The following EBF3 variants were observed in gnomAD, a reference collection of about 807,000 sequenced individuals.
The protein encoded by EBF3 is EBF transcription factor 3.
A neutral mutation model predicts 77.1 loss-of-function variants in EBF3; 18 were observed. The observed-to-expected ratio is 0.23, with a 90% confidence interval of 0.16 to 0.35. EBF3 has a LOEUF of 0.35. Among genes scored for constraint, EBF3 ranks in the 10% least tolerant of loss-of-function variants. The probability of loss-of-function intolerance (pLI) is 1.00; values close to 1 mark genes in which losing one functional copy is unlikely to be tolerated. For synonymous variants in EBF3, 350 were observed against 343.5 expected, an observed-to-expected ratio of 1.02 and a Z score of -0.21; for missense variants, 558 against 860.0, an observed-to-expected ratio of 0.65 and a Z score of 4.39.
chr10:129,956,693 C>T (rs1859062268), intron 6 of EBF3, among the ~76,000 whole-genome samples: 1 of 152,172 alleles, frequency 6.6e-6, no homozygotes, highest in Admixed American at 6.5e-5. Flanking sequence ...AACATGTAAC[C>T]AGCATGTGTA....
chr10:129,859,317 G>A (rs1851460433), intron 10 of EBF3, among the ~76,000 whole-genome samples: 1 of 152,160 alleles, frequency 6.6e-6, no homozygotes, highest in South Asian at 2.1e-4. Flanking sequence ...CGCCTCCCGG[G>A]TTCAAGAGAT....
At chr10:129,939,413 CACATTA>C (rs1857575451) in intron 6 of EBF3, among the ~76,000 whole-genome samples, 1 of 152,250 alleles carries the variant, frequency 6.6e-6, no homozygotes, top group East Asian at 1.9e-4. Context: ...AACCAACAAT[CACATTA>C]AAAGTTCCCA....
chr10:129,842,106 G>T lies in EBF3; in HGVS notation c.1372+10C>A. On this transcript the variant is annotated intron_variant, in intron 13 of 16. Transcript: ENST00000440978. The surrounding 1 kb of genome is among the most constrained non-coding windows in gnomAD (Gnocchi z 4.4). ...TTCAGGGCAGGGGTCCTCCCAGCAT[G>T]CTGGCATACCTTGGTCGTTGGCTTG... is the stretch of plus-strand genomic sequence containing the variant. 6.2e-7 allele frequency: 1 copy of T among 1,614,204 alleles called. No individual in the cohort carries two copies. The highest frequency in any genetic ancestry group is 2.2e-5 in the East Asian group (1 of 44,870).
intron 10 of EBF3, among the ~76,000 whole-genome samples, chr10:129,850,897 G>A (rs1273257318): frequency 3.3e-5 from 5 of 152,282 alleles, no homozygotes; most frequent in Admixed American, 2.0e-4. Flanking sequence ...CAAGTTCCCC[G>A]ACGGGAGGAG....
chr10:129,855,025 C>T (rs537146487), intron 10 of EBF3, among the ~76,000 whole-genome samples: 1 of 152,312 alleles, frequency 6.6e-6, no homozygotes, highest in South Asian at 2.1e-4. Flanking sequence ...CGCTCCCGTC[C>T]GTGGAGCTCC....
At position 129,935,317 on chromosome 10, in the gene EBF3, C is replaced by T. The variant is rs1044299387; in HGVS notation, c.554+21941G>A. Among the ~76,000 whole-genome samples, 2 of 152,128 alleles carry T rather than the reference C, an allele frequency of 1.3e-5. No individual in the cohort carries two copies. Among genetic ancestry groups the T allele is most frequent in the African/African-American group, 2.4e-5 (1 of 41,430 alleles). On this transcript the variant is annotated intron_variant, in intron 6 of 16. Coordinates refer to ENST00000440978, the MANE Select transcript of EBF3 (RefSeq NM_001375380.1). This position sits in a 1 kb window ranked among gnomAD's most constrained non-coding sequence, Gnocchi z 4.2. ...AGGCTTGGATCTGCCCAGTGACTGG[C>T]GGCCTGGGACCAGGGTGGCCCTGCC...
chr10:129,862,987 C>T (rs946738267), intron 10 of EBF3, among the ~76,000 whole-genome samples: 1 of 152,180 alleles, frequency 6.6e-6, no homozygotes, highest in Non-Finnish European at 1.5e-5. Context: ...AATATTAAAA[C>T]AAGCATTGCA....
Position 129,957,245 on chromosome 10 carries a change from A to G in EBF3, c.554+13T>C. The G allele has an allele frequency of 6.3e-7, 1 of 1,588,676 alleles. No homozygotes were observed. The highest frequency in any genetic ancestry group is 8.6e-7 in the Non-Finnish European group (1 of 1,168,402). ...TGCGGTTTTGTTTTGAAAAATAAAG[A>G]AGTCATCCTTACCTGTCAATGATTA... On this transcript the variant is annotated intron_variant, in intron 6 of 16. Transcript: ENST00000440978.
chr10:129,951,646 TC>T (rs1461666297), intron 6 of EBF3, among the ~76,000 whole-genome samples: 6 of 152,250 alleles, frequency 3.9e-5, no homozygotes, highest in Admixed American at 3.9e-4. Flanking sequence ...CTCGCAGGCC[TC>T]CTAGGCCTAG....
At chr10:129,957,581 C>T (rs761391263) in intron 5 of EBF3, among the ~76,000 whole-genome samples, 59 of 152,088 alleles carry the variant, frequency 3.9e-4, no homozygotes, top group Admixed American at 3.3e-4. Context: ...GATTGTGATG[C>T]TAAAATATGG....
intron 6 of EBF3, among the ~76,000 whole-genome samples, chr10:129,888,289 G>C (rs1327348740): frequency 6.6e-6 from 1 of 152,220 alleles, no homozygotes; most frequent in East Asian, 1.9e-4. Flanking sequence ...GGTGGCTTTT[G>C]CGTCCTTAGA....
rs1858349783 is a variant in EBF3 at position 129,947,919 on chromosome 10, CAAG to C, written c.554+9336_554+9338del. Among the ~76,000 whole-genome samples, 1 of 152,014 alleles carries C rather than the reference CAAG, an allele frequency of 6.6e-6. No homozygotes were observed. The highest frequency in any genetic ancestry group is 1.5e-5 in the Non-Finnish European group (1 of 68,006). ...GTATTATCGGTGAGCTAAAAAGTCACAAGAAGACATGCAGGAAACTTAAATGCC... is the reference window on the plus strand; with the variant it reads ...GTATTATCGGTGAGCTAAAAAGTCACAAGACATGCAGGAAACTTAAATGCC... On this transcript the variant is annotated intron_variant, in intron 6 of 16. Coordinates refer to ENST00000440978, the MANE Select transcript of EBF3 (RefSeq NM_001375380.1). The surrounding 1 kb of genome is among the most constrained non-coding windows in gnomAD (Gnocchi z 4.5).
chr10:129,955,099 A>C (rs1256811626), intron 6 of EBF3, among the ~76,000 whole-genome samples: 4 of 152,194 alleles, frequency 2.6e-5, no homozygotes, highest in Non-Finnish European at 2.9e-5. Flanking sequence ...AGCTGGAGAC[A>C]GTGCCAATAC....
chr10:129,855,808 CTT>C (rs1398641996), intron 10 of EBF3, among the ~76,000 whole-genome samples: 1 of 152,228 alleles, frequency 6.6e-6, no homozygotes, highest in African/African-American at 2.4e-5. Flanking sequence ...CTCCCAGAGA[CTT>C]TTTGCAGGGA....
intron 6 of EBF3, among the ~76,000 whole-genome samples, chr10:129,886,349 G>A (rs1853584129): frequency 1.3e-5 from 2 of 152,200 alleles, no homozygotes; most frequent in African/African-American, 2.4e-5. Flanking sequence ...TTTAATGCAG[G>A]TAATGCAGCT....
At chr10:129,920,955 C>G (rs1352823274) in intron 6 of EBF3, among the ~76,000 whole-genome samples, 1 of 152,026 alleles carries the variant, frequency 6.6e-6, no homozygotes, top group East Asian at 1.9e-4. Context: ...CAGTGCCCAC[C>G]AGAAGGCTGT....
intron 6 of EBF3, among the ~76,000 whole-genome samples, chr10:129,911,315 A>G (rs771273738): frequency 2.0e-5 from 3 of 152,274 alleles, no homozygotes; most frequent in Non-Finnish European, 2.9e-5. Context: ...AGCCAGCTGG[A>G]TAGAAGCATT....
intron 6 of EBF3, among the ~76,000 whole-genome samples, chr10:129,918,219 C>A (rs777934268): frequency 4.6e-5 from 7 of 152,214 alleles, no homozygotes; most frequent in Non-Finnish European, 8.8e-5. Flanking sequence ...GGCATAGGTT[C>A]TTTGCGTACT....
chr10:129,926,568 G>C (rs1254491949), intron 6 of EBF3, among the ~76,000 whole-genome samples: 1 of 152,164 alleles, frequency 6.6e-6, no homozygotes, highest in South Asian at 2.1e-4. Flanking sequence ...CTCAGGGCTT[G>C]GGGGGTGGAG....
Sources: allele counts gnomAD v4.1 joint callset (sites outside exome capture counted in the v4.1 genomes callset), GRCh38; gene constraint gnomAD v4.1.1; non-coding constraint Gnocchi (gnomAD v3.1); transcripts MANE v1.5; gene names NCBI Gene and HGNC (gene_info 2026-07-23, HGNC 2026-07-21).